Variants in EIF2B3 observed in about 807,000 individuals in gnomAD.
The protein encoded by EIF2B3 is translation initiation factor eIF2B subunit gamma.
EIF2B3 carries 20 observed loss-of-function variants against 54.1 expected under a neutral mutation model. The ratio of observed to expected loss-of-function variants is 0.37; its 90% confidence interval spans 0.26 to 0.54. The LOEUF is 0.54. EIF2B3 is among the 20% of genes least tolerant of loss of function. The pLI, the probability that EIF2B3 is intolerant of heterozygous loss-of-function variation, is 0.86. For missense variants in EIF2B3, 448 were observed against 547.8 expected, an observed-to-expected ratio of 0.82 and a Z score of 1.82; for synonymous variants, 153 against 188.1, an observed-to-expected ratio of 0.81 and a Z score of 1.52.
In EIF2B3 at chr1:44,850,738, C is replaced by T. The variant is rs1488863571; in HGVS notation, c.*213G>A. 3.3e-6 allele frequency: 2 copies of T among 605,986 alleles called. No homozygotes were observed. Among genetic ancestry groups the T allele is most frequent in the Admixed American group, 5.7e-5 (2 of 34,864 alleles). The allele number at this position is 605,986 out of a possible 1,614,324, so 37.5% of individuals were successfully genotyped here. On this transcript the variant is annotated 3_prime_UTR_variant, in exon 12 of 12. Transcript: ENST00000360403. Reference sequence around the variant, plus strand: ...CACTGTATCTGTCCTGTCCCACACACTTGCTCCAGATGATCTTTACCACAT... The same window carrying T: ...CACTGTATCTGTCCTGTCCCACACATTTGCTCCAGATGATCTTTACCACAT...
At chr1:44,957,827 AC>A (rs1188055155) in intron 3 of EIF2B3, among the ~76,000 whole-genome samples, 1 of 152,206 alleles carries the variant, frequency 6.6e-6, no homozygotes, top group Non-Finnish European at 1.5e-5. Flanking sequence ...CACCAATTAG[AC>A]TGGTGAGTCC....
At position 44,986,504 on chromosome 1, in the gene EIF2B3, A is replaced by G. The variant is rs1339782736; in HGVS notation, c.-21T>C. 6.6e-6 allele frequency: 1 copy of G among 152,450 alleles called. No homozygotes were observed. The highest frequency in any genetic ancestry group is 2.4e-5 in the African/African-American group (1 of 41,468). The allele number at this position is 152,450 out of a possible 1,614,324, so 9.4% of individuals were successfully genotyped here. On this transcript the variant is annotated 5_prime_UTR_variant, in exon 1 of 12. Transcript: ENST00000360403. ...ACCGCACTGCTCACCCGGGTCAGCC[A>G]GCTTGTGTGCGGCCTGGCAGGGCAG...
At chr1:44,909,451 C>A (rs950129052) in intron 5 of EIF2B3, among the ~76,000 whole-genome samples, 2 of 151,940 alleles carry the variant, frequency 1.3e-5, no homozygotes, top group Non-Finnish European at 2.9e-5. Context: ...AAAGGTGAAT[C>A]CTAAACCATC....
chr1:44,891,565 T>C (rs1655798497), intron 6 of EIF2B3, among the ~76,000 whole-genome samples: 1 of 152,228 alleles, frequency 6.6e-6, no homozygotes, highest in Non-Finnish European at 1.5e-5. Flanking sequence ...AGGATAGTGA[T>C]TACTTTTGTG....
intron 8 of EIF2B3, among the ~76,000 whole-genome samples, chr1:44,877,204 A>AC (rs958915054): frequency 7.5e-5 from 11 of 147,334 alleles, no homozygotes; most frequent in South Asian, 2.2e-4. Context: ...AAAAAAAAAA[A>AC]AAAAAAAAAA....
chr1:44,942,835 ATTTATTTTAT>A (rs372716208), intron 3 of EIF2B3, among the ~76,000 whole-genome samples: 37 of 151,692 alleles, frequency 2.4e-4, no homozygotes, highest in Admixed American at 4.6e-4. Context: ...TGCAAACATT[ATTTATTTTAT>A]TTTATTTTAT....
intron 10 of EIF2B3, among the ~76,000 whole-genome samples, chr1:44,869,477 GA>G (rs577790542): frequency 1.0e-3 from 127 of 126,624 alleles, no homozygotes; most frequent in Middle Eastern, 4.7e-3. Context: ...GACTATCTCG[GA>G]AAAAAAAAAA....
intron 4 of EIF2B3, among the ~76,000 whole-genome samples, chr1:44,939,101 C>CAAA (rs35410499): frequency 1.6e-4 from 9 of 56,258 alleles, no homozygotes; most frequent in African/African-American, 2.7e-4. Context: ...GACCCTGTCT[C>CAAA]AAAAAAAAAA....
chr1:44,909,015 G>A (rs1643465895), intron 5 of EIF2B3, among the ~76,000 whole-genome samples: 1 of 152,174 alleles, frequency 6.6e-6, no homozygotes, highest in Non-Finnish European at 1.5e-5. Flanking sequence ...TGAGGGTTCA[G>A]CTAAGATAGG....
At chr1:44,859,626 C>T (rs1348058206) in intron 10 of EIF2B3, among the ~76,000 whole-genome samples, 2 of 151,882 alleles carry the variant, frequency 1.3e-5, no homozygotes, top group African/African-American at 4.8e-5. Flanking sequence ...CCATTGCACT[C>T]TAGCCTGGGC....
At chr1:44,966,965 G>A (rs752931477) in intron 3 of EIF2B3, among the ~76,000 whole-genome samples, 2 of 151,820 alleles carry the variant, frequency 1.3e-5, no homozygotes, top group South Asian at 4.2e-4. Flanking sequence ...ACGAGCACAC[G>A]CCACTATGGC....
intron 3 of EIF2B3, among the ~76,000 whole-genome samples, chr1:44,957,769 A>G (rs1055014005): frequency 6.6e-6 from 1 of 152,214 alleles, no homozygotes; most frequent in African/African-American, 2.4e-5. Context: ...TCCAAAAAAA[A>G]AAGAAAAATG....
At chr1:44,852,101 G>A (rs915956113) in intron 11 of EIF2B3, among the ~76,000 whole-genome samples, 4 of 149,876 alleles carry the variant, frequency 2.7e-5, no homozygotes, top group African/African-American at 9.8e-5. Context: ...GGCATATGAC[G>A]CCACACATGG....
At chr1:44,890,862 G>C (rs1399572028) in intron 6 of EIF2B3, among the ~76,000 whole-genome samples, 1 of 152,122 alleles carries the variant, frequency 6.6e-6, no homozygotes, top group African/African-American at 2.4e-5. Context: ...AAAACAGCCT[G>C]ACTTCTTCTT....
At chr1:44,964,903 C>T (rs1050566944) in intron 3 of EIF2B3, among the ~76,000 whole-genome samples, 1 of 152,134 alleles carries the variant, frequency 6.6e-6, no homozygotes. Flanking sequence ...TAAAATATAC[C>T]TCACTAACTT....
intron 3 of EIF2B3, among the ~76,000 whole-genome samples, chr1:44,975,807 T>C (rs1416804034): frequency 6.6e-6 from 1 of 151,888 alleles, no homozygotes; most frequent in African/African-American, 2.4e-5. Flanking sequence ...CCTGTCTCTA[T>C]AAACTACAAA....
chr1:44,922,591 CA>C (rs58626731), intron 5 of EIF2B3, among the ~76,000 whole-genome samples: 907 of 87,538 alleles, frequency 0.01, 8 homozygotes, highest in African/African-American at 0.03. Flanking sequence ...TGTCTCAAGA[CA>C]AAAAAAAAAA....
At chr1:44,892,320 T>C (rs263973) in intron 6 of EIF2B3, among the ~76,000 whole-genome samples, 127,654 of 152,132 alleles carry the variant, frequency 0.84, 54,165 homozygotes, top group East Asian at 1. Context: ...TAGCTCACAC[T>C]TGTAATCCCA....
rs919133163 is a variant in EIF2B3, at chr1:44,967,932, G to A, written c.294+10383C>T. 5.3e-5 allele frequency among the ~76,000 whole-genome samples: 8 copies of A among 152,000 alleles called. No homozygotes were observed. In the South Asian group the frequency reaches 1.2e-3, roughly 24 times the overall value. On this transcript the variant is annotated intron_variant, in intron 3 of 11. Transcript: ENST00000360403. ...ACATGCCTGTAATCCCAGCTACTCA[G>A]GGGGCTGAGACAGGAGAATCGCTTG... is the stretch of plus-strand genomic sequence containing the variant.
Sources: allele counts gnomAD v4.1 joint callset (sites outside exome capture counted in the v4.1 genomes callset), GRCh38; gene constraint gnomAD v4.1.1; transcripts MANE v1.5; gene names NCBI Gene and HGNC (gene_info 2026-07-23, HGNC 2026-07-21).